RUNX2: variants seen among roughly 807,000 people sequenced by gnomAD.
The protein encoded by RUNX2 is runt-related transcription factor 2.
Under a neutral mutation model 51.7 loss-of-function variants are expected in RUNX2, and 10 were observed. The observed-to-expected ratio is 0.19, with a 90% CI of 0.12 to 0.33. The LOEUF is 0.33. Ranked by LOEUF, RUNX2 falls within the 10% of genes least tolerant of loss-of-function variation. The pLI is 1.00. For missense variants in RUNX2, 562 were observed against 691.3 expected, an observed-to-expected ratio of 0.81 and a Z score of 2.10; for synonymous variants, 276 against 273.6, an observed-to-expected ratio of 1.01 and a Z score of -0.09.
At chr6:45,480,927 G>A (rs1800095524) in intron 5 of RUNX2, among the ~76,000 whole-genome samples, 1 of 152,278 alleles carries the variant, frequency 6.6e-6, no homozygotes, top group South Asian at 2.1e-4. Context: ...GGAGTTGGCT[G>A]ACTTTTTCTT....
chr6:45,472,953 G>A (rs188103419), intron 5 of RUNX2, among the ~76,000 whole-genome samples: 82 of 152,270 alleles, frequency 5.4e-4, no homozygotes, highest in African/African-American at 1.9e-3. Flanking sequence ...TCGTCTGAAA[G>A]GGAGAACCAG....
chr6:45,539,061 C>T (rs901951101), intron 7 of RUNX2, among the ~76,000 whole-genome samples: 2 of 152,142 alleles, frequency 1.3e-5, no homozygotes, highest in Non-Finnish European at 2.9e-5. Flanking sequence ...TCGTTCCTTC[C>T]CTTACTCTCC....
intron 2 of RUNX2, among the ~76,000 whole-genome samples, chr6:45,398,602 C>T (rs1797631980): frequency 6.6e-6 from 1 of 152,166 alleles, no homozygotes; most frequent in Non-Finnish European, 1.5e-5. Context: ...CATCATTCAT[C>T]CCCTGACTTA....
At chr6:45,330,118 A>C (rs193258945) in intron 2 of RUNX2, among the ~76,000 whole-genome samples, 4 of 150,894 alleles carry the variant, frequency 2.7e-5, no homozygotes, top group Non-Finnish European at 4.4e-5. Context: ...TGTATTTTAC[A>C]AAAAAAAATG....
At chr6:45,434,304 T>C (rs1278071488) in intron 4 of RUNX2, among the ~76,000 whole-genome samples, 2 of 152,220 alleles carry the variant, frequency 1.3e-5, no homozygotes, top group Non-Finnish European at 2.9e-5. Context: ...GCTTCCTCTT[T>C]GATTTTCACA....
At chr6:45,398,469 A>G (rs996327428) in intron 2 of RUNX2, among the ~76,000 whole-genome samples, 8 of 152,222 alleles carry the variant, frequency 5.3e-5, no homozygotes, top group Non-Finnish European at 1.2e-4. Context: ...AAACCAATAT[A>G]TATAACATTA....
At chr6:45,430,161 T>G (rs1030612932) in intron 3 of RUNX2, among the ~76,000 whole-genome samples, 4 of 151,892 alleles carry the variant, frequency 2.6e-5, no homozygotes, top group Non-Finnish European at 4.4e-5. Context: ...GGTTGATAAG[T>G]GGTGAACAAG....
Position 45,422,348 on chromosome 6 carries a change from C to G in RUNX2, c.59-245C>G, listed in dbSNP as rs1049255721. On this transcript the variant is annotated intron_variant, in intron 2 of 8. Transcript: ENST00000647337. ...GACTCCGGCAAAGATCTGCGCCTCC[C>G]GGGTCTCCCTACCCGCCAGCCCGAC... The G allele has an allele frequency of 5.4e-5, 27 of 500,396 alleles. 1 individual carries two copies. The highest frequency in any genetic ancestry group is 4.9e-4 in the African/African-American group (24 of 49,310). 31.0% of individuals were successfully genotyped at this position (500,396 alleles called of 1,614,324 possible). A position where few individuals can be genotyped will look rare whatever the true frequency, so the allele number is the denominator to read the frequency against.
chr6:45,378,365 C>G (rs1026406076), intron 2 of RUNX2, among the ~76,000 whole-genome samples: 1 of 152,154 alleles, frequency 6.6e-6, no homozygotes, highest in Non-Finnish European at 1.5e-5. Flanking sequence ...AAGCTTCTTT[C>G]CAGGAATTGG....
rs1341182086 is a variant in RUNX2, at chr6:45,517,631, A to G, written c.1021+5224A>G. On this transcript the variant is annotated intron_variant, in intron 7 of 8. Coordinates refer to ENST00000647337, the MANE Select transcript of RUNX2 (RefSeq NM_001024630.4). Reference sequence around the variant, plus strand: ...GAATCTCTTATTTCAAAATATGTAAATATTAACACTTTTCACTTACTCAAC... The same window carrying G: ...GAATCTCTTATTTCAAAATATGTAAGTATTAACACTTTTCACTTACTCAAC... Among the ~76,000 whole-genome samples, 9 of 152,086 alleles carry G rather than the reference A, an allele frequency of 5.9e-5. 1 individual carries two copies. Among genetic ancestry groups the G allele is most frequent in the Non-Finnish European group, 2.9e-5 (2 of 68,008 alleles).
chr6:45,380,734 G>A (rs1157647391), intron 2 of RUNX2, among the ~76,000 whole-genome samples: 2 of 151,968 alleles, frequency 1.3e-5, no homozygotes, highest in African/African-American at 2.4e-5. Context: ...GTGCCACCAC[G>A]CCCGGGTAAT....
intron 5 of RUNX2, among the ~76,000 whole-genome samples, chr6:45,453,311 G>C (rs2819863): frequency 0.93 from 141,709 of 152,234 alleles, 66,116 homozygotes; most frequent in East Asian, 1. Flanking sequence ...AAAAAAGAAC[G>C]CTCTTCTCAA....
chr6:45,492,201 C>A, intron 6 of RUNX2, 87 bp downstream of exon 6: 1 of 1,293,754 alleles, frequency 7.7e-7, no homozygotes, highest in Non-Finnish European at 1.1e-6. Context: ...CACTTCAAAA[C>A]TCCTGGAGCT....
At chr6:45,532,761 C>T (rs748453627) in intron 7 of RUNX2, among the ~76,000 whole-genome samples, 23 of 152,162 alleles carry the variant, frequency 1.5e-4, no homozygotes, top group Admixed American at 3.9e-4. Flanking sequence ...CTGGAGTGGA[C>T]TCAGTGGACA....
intron 2 of RUNX2, among the ~76,000 whole-genome samples, chr6:45,339,438 C>A (rs1480364333): frequency 4.6e-5 from 7 of 152,116 alleles, no homozygotes; most frequent in Admixed American, 3.3e-4. Flanking sequence ...TATATTAATT[C>A]CAAATTGTGT....
intron 3 of RUNX2, among the ~76,000 whole-genome samples, chr6:45,431,495 G>A (rs1798541396): frequency 6.6e-6 from 1 of 152,180 alleles, no homozygotes; most frequent in Non-Finnish European, 1.5e-5. Flanking sequence ...GAGAAAGCCT[G>A]CAGACAGGTG....
intron 2 of RUNX2, among the ~76,000 whole-genome samples, chr6:45,361,922 A>G (rs1407228805): frequency 6.6e-6 from 1 of 152,152 alleles, no homozygotes; most frequent in Non-Finnish European, 1.5e-5. Context: ...GTGGTAGCGC[A>G]TGCCTGTATT....
At chr6:45,412,860 T>C (rs1797981306) in intron 2 of RUNX2, among the ~76,000 whole-genome samples, 1 of 152,186 alleles carries the variant, frequency 6.6e-6, no homozygotes, top group Non-Finnish European at 1.5e-5. Flanking sequence ...TTCTCCTGCC[T>C]CAGCCTCCCT....
At chr6:45,517,431 C>T (rs995130167) in intron 7 of RUNX2, among the ~76,000 whole-genome samples, 1 of 152,106 alleles carries the variant, frequency 6.6e-6, no homozygotes, top group South Asian at 2.1e-4. Flanking sequence ...TTGCCTTGGC[C>T]TCCCAAAGTG....
Sources: gnomAD v4.1 joint callset for allele counts (sites outside exome capture counted in the v4.1 genomes callset) on GRCh38, gnomAD v4.1.1 for gene constraint, MANE v1.5 for transcripts, NCBI Gene and HGNC (gene_info 2026-07-23, HGNC 2026-07-21) for gene names.